Variants in RAB38 observed in about 807,000 individuals in gnomAD.
RAB38 encodes the protein ras-related protein Rab-38.
Under a neutral mutation model 18.4 loss-of-function variants are expected in RAB38, and 15 were observed. That is an observed-to-expected ratio of 0.82 (90% CI 0.55 to 1.26). The LOEUF (loss-of-function observed/expected upper bound fraction) is 1.26. Among genes scored for constraint, RAB38 ranks in the 50% most tolerant of loss-of-function variants. The pLI is 0.00. For synonymous variants in RAB38, 101 were observed against 104.4 expected, an observed-to-expected ratio of 0.97 and a Z score of 0.20; for missense variants, 294 against 267.4, an observed-to-expected ratio of 1.10 and a Z score of -0.69.
the RAB38 span, among the ~76,000 whole-genome samples, chr11:88,006,515 T>C: frequency 6.7e-6 from 1 of 150,296 alleles, no homozygotes; most frequent in Non-Finnish European, 1.5e-5. Flanking sequence ...AGCCAAGATA[T>C]GTAATCAACC....
At chr11:87,877,470 CTTTG>C in the RAB38 span, among the ~76,000 whole-genome samples, 144 of 151,636 alleles carry the variant, frequency 9.5e-4, no homozygotes, top group East Asian at 0.026. Flanking sequence ...ATGCTATCTC[CTTTG>C]TTTGCTAATT....
chr11:87,942,785 G>A, the RAB38 span, among the ~76,000 whole-genome samples: 1 of 152,150 alleles, frequency 6.6e-6, no homozygotes, highest in Non-Finnish European at 1.5e-5. Flanking sequence ...TTCTCACTTA[G>A]AGGAATGTCC....
At chr11:88,095,680 TCTCAA>T in the RAB38 span, among the ~76,000 whole-genome samples, 6 of 151,922 alleles carry the variant, frequency 3.9e-5, 1 homozygote. Flanking sequence ...TGATGTTTCT[TCTCAA>T]CTCTAGTATT....
At chr11:88,025,681 A>G in the RAB38 span, among the ~76,000 whole-genome samples, 3 of 152,146 alleles carry the variant, frequency 2.0e-5, no homozygotes, top group Non-Finnish European at 2.9e-5. Flanking sequence ...TCTTCTTTTG[A>G]AAAGTGTTCA....
the RAB38 span, among the ~76,000 whole-genome samples, chr11:88,052,111 G>A: frequency 2.6e-5 from 4 of 152,008 alleles, no homozygotes; most frequent in African/African-American, 4.8e-5. Flanking sequence ...CAGCAAGAGC[G>A]AAACTCCGCC....
chr11:87,868,815 G>C, the RAB38 span, among the ~76,000 whole-genome samples: 1 of 151,530 alleles, frequency 6.6e-6, no homozygotes, highest in African/African-American at 2.4e-5. Flanking sequence ...CAGCTGCTTT[G>C]AGTGTTGCCT....
the RAB38 span, among the ~76,000 whole-genome samples, chr11:87,974,719 G>A: frequency 5.5e-4 from 83 of 150,428 alleles, no homozygotes; most frequent in African/African-American, 1.8e-3. Context: ...CTGAAAAGCA[G>A]CCAAAGGGAA....
At chr11:87,860,039 A>G in the RAB38 span, among the ~76,000 whole-genome samples, 1 of 151,922 alleles carries the variant, frequency 6.6e-6, no homozygotes, top group Non-Finnish European at 1.5e-5. Flanking sequence ...CTCCTCCCTA[A>G]CTGGGTAGGA....
chr11:87,839,787 G>GCA, the RAB38 span, among the ~76,000 whole-genome samples: 1 of 152,256 alleles, frequency 6.6e-6, no homozygotes, highest in East Asian at 1.9e-4. Context: ...AATTTCTCCA[G>GCA]CACCATCCAT....
chr11:88,034,124 A>C, the RAB38 span, among the ~76,000 whole-genome samples: 1 of 152,200 alleles, frequency 6.6e-6, no homozygotes, highest in African/African-American at 2.4e-5. Context: ...TCAATTCAAT[A>C]ATGTTACATA....
chr11:88,156,732 A>G (rs1943131520), intron 1 of RAB38, among the ~76,000 whole-genome samples: 1 of 152,168 alleles, frequency 6.6e-6, no homozygotes, highest in Non-Finnish European at 1.5e-5. Flanking sequence ...ATATCCCACC[A>G]AACTAAGTTC....
At chr11:88,095,164 TAAAACACACAAGATATAAGCA>T in the RAB38 span, among the ~76,000 whole-genome samples, 1 of 151,904 alleles carries the variant, frequency 6.6e-6, no homozygotes, top group Admixed American at 6.6e-5. Context: ...TTTCCCATCC[TAAAACACACAAGATATAAGCA>T]AAAATACAGA....
In RAB38 at chr11:88,157,071, C is replaced by T. The variant is rs541217628; in HGVS notation, c.203-7116G>A. On this transcript the variant is annotated intron_variant, in intron 1 of 2. Coordinates refer to ENST00000243662, the MANE Select transcript of RAB38 (RefSeq NM_022337.3). ...TGGCAAGTCAGAAACAAAAACAAAA[C>T]CCATCCGTATGCTATCTTCAAGAAA... Among the ~76,000 whole-genome samples the T allele has an allele frequency of 4.9e-4, 74 of 152,262 alleles. 1 individual carries two copies. In the South Asian group the frequency reaches 0.015, roughly 31 times the overall value.
At chr11:88,004,251 C>A in the RAB38 span, among the ~76,000 whole-genome samples, 2 of 149,930 alleles carry the variant, frequency 1.3e-5, no homozygotes, top group African/African-American at 4.9e-5. Flanking sequence ...ATTAAAACAG[C>A]AAATTGATTA....
the RAB38 span, among the ~76,000 whole-genome samples, chr11:88,038,547 TAGTA>T: frequency 6.6e-6 from 1 of 152,062 alleles, no homozygotes; most frequent in Non-Finnish European, 1.5e-5. Context: ...TCCTCACACT[TAGTA>T]GGTACTAAAA....
At chr11:88,103,375 G>T in the RAB38 span, among the ~76,000 whole-genome samples, 1 of 151,882 alleles carries the variant, frequency 6.6e-6, no homozygotes, top group Non-Finnish European at 1.5e-5. Flanking sequence ...ACTATGTTCT[G>T]GTCAGCACAA....
At chr11:88,105,381 A>G in the RAB38 span, among the ~76,000 whole-genome samples, 1 of 152,112 alleles carries the variant, frequency 6.6e-6, no homozygotes. Context: ...CAATACCTAT[A>G]CAAATCTATG....
At chr11:88,116,968 C>T (rs1383010969) in intron 2 of RAB38, among the ~76,000 whole-genome samples, 1 of 152,094 alleles carries the variant, frequency 6.6e-6, no homozygotes, top group Non-Finnish European at 1.5e-5. Flanking sequence ...AACCTAAGCT[C>T]AAATTAGTGG....
the RAB38 span, among the ~76,000 whole-genome samples, chr11:88,026,756 C>T: frequency 2.6e-5 from 4 of 151,802 alleles, no homozygotes; most frequent in Non-Finnish European, 5.9e-5. Flanking sequence ...TTTTCAAAAG[C>T]CATTTTACAA....
Sources: allele counts gnomAD v4.1 joint callset (sites outside exome capture counted in the v4.1 genomes callset), GRCh38; gene constraint gnomAD v4.1.1; transcripts MANE v1.5; gene names NCBI Gene and HGNC (gene_info 2026-07-23, HGNC 2026-07-21).